The following CORO2B variants were observed in gnomAD, a reference collection of about 807,000 sequenced individuals.
CORO2B encodes coronin-2B.
In CORO2B, 26 loss-of-function variants were observed where a neutral mutation model predicts 58.8. The observed-to-expected ratio is 0.44, with a 90% CI of 0.32 to 0.61. The LOEUF is 0.61. Ranked by LOEUF, CORO2B falls within the 20% of genes least tolerant of loss-of-function variation. The probability of loss-of-function intolerance (pLI) is 0.04; values close to 1 mark genes in which losing one functional copy is unlikely to be tolerated. For synonymous variants in CORO2B, 242 were observed against 253.8 expected, an observed-to-expected ratio of 0.95 and a Z score of 0.44; for missense variants, 460 against 645.1, an observed-to-expected ratio of 0.71 and a Z score of 3.11.
At chr15:68,703,080 CAT>C (rs1892695463) in intron 3 of CORO2B, among the ~76,000 whole-genome samples, 1 of 147,170 alleles carries the variant, frequency 6.8e-6, no homozygotes, top group African/African-American at 2.7e-5. Context: ...ACCCGCCTCG[CAT>C]CCCAAAGTGC....
At chr15:68,654,197 G>A (rs1416595683) in intron 2 of CORO2B, among the ~76,000 whole-genome samples, 1 of 152,190 alleles carries the variant, frequency 6.6e-6, no homozygotes, top group African/African-American at 2.4e-5. Context: ...AAGTGAAGGC[G>A]AGCCCTTCTG....
chr15:68,630,850 C>G (rs1030956006), intron 1 of CORO2B, among the ~76,000 whole-genome samples: 1 of 152,136 alleles, frequency 6.6e-6, no homozygotes, highest in African/African-American at 2.4e-5. Context: ...GCCAGAGCGC[C>G]AGGATTTACA....
chr15:68,601,961 C>G (rs1017168402), intron 1 of CORO2B, among the ~76,000 whole-genome samples: 3 of 151,668 alleles, frequency 2.0e-5, no homozygotes, highest in Non-Finnish European at 1.5e-5. Context: ...CACTGTGTCC[C>G]AGCATGGCGG....
At chr15:68,640,793 T>C (rs1901191807) in intron 1 of CORO2B, among the ~76,000 whole-genome samples, 1 of 152,232 alleles carries the variant, frequency 6.6e-6, no homozygotes, top group South Asian at 2.1e-4. Flanking sequence ...TCATGATTTT[T>C]GCAAGTTCTT....
At chr15:68,687,630 G>A (rs566312872) in intron 2 of CORO2B, among the ~76,000 whole-genome samples, 19 of 152,348 alleles carry the variant, frequency 1.2e-4, no homozygotes, top group Non-Finnish European at 2.2e-4. Flanking sequence ...TTTCAAAGAT[G>A]TATTTTCCCT....
intron 2 of CORO2B, among the ~76,000 whole-genome samples, chr15:68,668,949 G>A (rs962949260): frequency 6.6e-6 from 1 of 152,018 alleles, no homozygotes; most frequent in Admixed American, 6.6e-5. Flanking sequence ...GTGGTGGCAT[G>A]TGCCTGTAAT....
intron 3 of CORO2B, among the ~76,000 whole-genome samples, chr15:68,701,478 ATTTTTTTT>A (rs71145193): frequency 0.04 from 1,539 of 38,836 alleles, 25 homozygotes; most frequent in Middle Eastern, 0.11. Context: ...CGCCCGGCTA[ATTTTTTTT>A]TTTTTTTTTT....
At chr15:68,719,088 T>G in intron 9 of CORO2B, 56 bp from the exon 10 acceptor site, 1 of 1,336,262 alleles carries the variant, frequency 7.5e-7, no homozygotes, top group South Asian at 1.2e-5. Context: ...GACTGAAGAG[T>G]AGGGGCTTTC....
At position 68,630,889 on chromosome 15, in the gene CORO2B, C is replaced by T. The variant is rs140869300; in HGVS notation, c.16-14271C>T. Among the ~76,000 whole-genome samples the T allele has an allele frequency of 9.9e-3, 1,506 of 152,252 alleles. 18 individuals carry two copies. The highest frequency in any genetic ancestry group is 0.015 in the Non-Finnish European group (991 of 68,014). ...TCAAATGGAAGCAAAGGCGGGAAGC[C>T]GTGTGTGTGCCAGTATGCCAAGAAA... On this transcript the variant is annotated intron_variant, in intron 1 of 11. Coordinates refer to ENST00000261861, the MANE Select transcript of CORO2B (RefSeq NM_006091.5).
At chr15:68,618,023 G>A (rs1900411369) in intron 1 of CORO2B, among the ~76,000 whole-genome samples, 1 of 152,176 alleles carries the variant, frequency 6.6e-6, no homozygotes, top group African/African-American at 2.4e-5. Flanking sequence ...GTTGAACAGA[G>A]TCAGTACCTG....
chr15:68,545,569 G>A, the CORO2B span, among the ~76,000 whole-genome samples: 6 of 141,430 alleles, frequency 4.2e-5, no homozygotes, highest in Non-Finnish European at 7.6e-5. Flanking sequence ...CAGTCTCAGA[G>A]CCCCTCCCTT....
At chr15:68,551,914 C>T in the CORO2B span, among the ~76,000 whole-genome samples, 1 of 151,816 alleles carries the variant, frequency 6.6e-6, no homozygotes. Context: ...CCACCTTCCC[C>T]TCTCCTCCCA....
intron 1 of CORO2B, among the ~76,000 whole-genome samples, chr15:68,638,376 G>A (rs1173048011): frequency 6.6e-6 from 1 of 152,218 alleles, no homozygotes; most frequent in African/African-American, 2.4e-5. Flanking sequence ...TTTGTGTTTG[G>A]TCACTTCATT....
chr15:68,666,688 G>A (rs753340984), intron 2 of CORO2B, among the ~76,000 whole-genome samples: 1 of 152,022 alleles, frequency 6.6e-6, no homozygotes, highest in Non-Finnish European at 1.5e-5. Context: ...GGGTTGGGGT[G>A]TTGTGTTGGG....
In CORO2B at chr15:68,645,930, C is replaced by G. The variant is rs1417155244; in HGVS notation, c.216+570C>G. Among the ~76,000 whole-genome samples, 1 of 152,006 alleles carries G rather than the reference C, an allele frequency of 6.6e-6. No homozygotes were observed. The highest frequency in any genetic ancestry group is 6.5e-5 in the Admixed American group (1 of 15,270). The stretch of plus-strand genomic sequence containing the variant: ...CTGGGATTGCAGGCACGTGCCACCA[C>G]GCCCAGCTAATTTTTGTATTTTCAG... On this transcript the variant is annotated intron_variant, in intron 2 of 11. Coordinates refer to ENST00000261861, the MANE Select transcript of CORO2B (RefSeq NM_006091.5). The surrounding 1 kb of genome is among the most constrained non-coding windows in gnomAD (Gnocchi z 4.5).
chr15:68,700,915 T>C (rs1270853105), intron 3 of CORO2B, among the ~76,000 whole-genome samples: 1 of 152,046 alleles, frequency 6.6e-6, no homozygotes, highest in Non-Finnish European at 1.5e-5. Context: ...GCTCCACATC[T>C]TTCCTTTGCC....
the CORO2B span, among the ~76,000 whole-genome samples, chr15:68,534,279 C>T: frequency 1.3e-4 from 20 of 152,356 alleles, no homozygotes; most frequent in South Asian, 3.7e-3. Context: ...CATATGTGTA[C>T]ACACACCTGC....
chr15:68,706,337 C>A (rs1892784221), intron 3 of CORO2B, among the ~76,000 whole-genome samples: 1 of 152,228 alleles, frequency 6.6e-6, no homozygotes, highest in Admixed American at 6.5e-5. Flanking sequence ...CCTCGTCCCC[C>A]TAACAGCTGG....
At chr15:68,576,173 A>AAAAAAAAG (rs1555409381), upstream of CORO2B, among the ~76,000 whole-genome samples, 7 of 103,916 alleles carry the variant, frequency 6.7e-5, no homozygotes, top group African/African-American at 1.7e-4. Context: ...AAAAAAAAAA[A>AAAAAAAAG]AAAGAAAGAA....
Sources: gnomAD v4.1 joint callset for allele counts (sites outside exome capture counted in the v4.1 genomes callset) on GRCh38, gnomAD v4.1.1 for gene constraint, Gnocchi (gnomAD v3.1) non-coding constraint, MANE v1.5 for transcripts, NCBI Gene and HGNC (gene_info 2026-07-23, HGNC 2026-07-21) for gene names.